The following SUMF1 variants were observed in gnomAD, a reference collection of about 807,000 sequenced individuals.
SUMF1 encodes the protein sulfatase modifying factor 1.
A neutral mutation model predicts 47.6 loss-of-function variants in SUMF1; 48 were observed. The observed-to-expected ratio is 1.01, with a 90% CI of 0.80 to 1.28. The LOEUF (loss-of-function observed/expected upper bound fraction) is 1.28. Ranked by LOEUF, SUMF1 falls within the 50% of genes most tolerant of loss-of-function variation. SUMF1 has a pLI of 0.00. For synonymous variants in SUMF1, 230 were observed against 192.1 expected (o/e 1.20, Z -1.63); for missense variants, 571 against 485.4 (o/e 1.18, Z -1.66).
intron 8 of SUMF1, among the ~76,000 whole-genome samples, chr3:4,109,997 C>T (rs199577605): frequency 4.0e-4 from 61 of 152,198 alleles, no homozygotes; most frequent in Non-Finnish European, 5.9e-4. Context: ...GGAGGAGAGG[C>T]GCTCTGATTT....
intron 8 of SUMF1, among the ~76,000 whole-genome samples, chr3:4,112,005 G>A (rs1693318979): frequency 6.6e-6 from 1 of 152,060 alleles, no homozygotes; most frequent in South Asian, 2.1e-4. Context: ...ATACATAAAT[G>A]ACAGGAAAGG....
At position 4,163,412 on chromosome 3, in the gene SUMF1, G is replaced by A. The variant is rs1481940456; in HGVS notation, c.1015-94667C>T. ...GGAGGGAGGGAGGGAGGGAGGGAGG[G>A]AGGGAGGGAGGGAGGGAGGGAGGAT... On this transcript the variant is annotated intron_variant and NMD_transcript_variant, in intron 8 of 12. Transcript: ENST00000448413. Among the ~76,000 whole-genome samples, 24 of 65,234 alleles carry A rather than the reference G, an allele frequency of 3.7e-4. 2 individuals are homozygous for A. Among genetic ancestry groups the A allele is most frequent in the African/African-American group, 3.6e-4 (7 of 19,514 alleles). The allele number at this position is 65,234 out of a possible 152,430, so 42.8% of individuals were successfully genotyped here.
At chr3:4,349,131 C>A (rs1699434087) in intron 8 of SUMF1, among the ~76,000 whole-genome samples, 1 of 152,012 alleles carries the variant, frequency 6.6e-6, no homozygotes, top group Non-Finnish European at 1.5e-5. Flanking sequence ...CTAGAATTTA[C>A]AAGGAATTTA....
rs1695650703 is a variant in SUMF1, at chr3:4,206,252, G to A, written c.1015-137507C>T. 4.0e-5 allele frequency among the ~76,000 whole-genome samples: 6 copies of A among 151,718 alleles called. No homozygotes were observed. The South Asian group carries it at 8.3e-4, about 21-fold the overall frequency. Reference sequence around the variant, plus strand: ...GGAAGGGTGACACAAACACTCCTTTGGCTGCCCCAGCTGTATCTCACTGAG... The same window carrying A: ...GGAAGGGTGACACAAACACTCCTTTAGCTGCCCCAGCTGTATCTCACTGAG... On this transcript the variant is annotated intron_variant and NMD_transcript_variant, in intron 8 of 12. Coordinates refer to the SUMF1 transcript ENST00000448413.
chr3:4,376,547 C>T (rs1201318170), intron 7 of SUMF1, among the ~76,000 whole-genome samples, 158 bp from the exon 8 acceptor site: 1 of 152,180 alleles, frequency 6.6e-6, no homozygotes, highest in Non-Finnish European at 1.5e-5. Flanking sequence ...TTCGTGGGCT[C>T]TCCCAAATGC....
chr3:4,413,788 G>A (rs1160690048), intron 6 of SUMF1, among the ~76,000 whole-genome samples: 1 of 151,946 alleles, frequency 6.6e-6, no homozygotes, highest in Non-Finnish European at 1.5e-5. Context: ...CACTTTGGGA[G>A]GCTGAGGAAA....
At chr3:4,444,448 T>A (rs929936249) in intron 3 of SUMF1, among the ~76,000 whole-genome samples, 1 of 152,196 alleles carries the variant, frequency 6.6e-6, no homozygotes, top group Non-Finnish European at 1.5e-5. Flanking sequence ...ATAATGGACA[T>A]ATGTTTCAAT....
chr3:4,315,367 A>G (rs1046551460), intron 8 of SUMF1, among the ~76,000 whole-genome samples: 1 of 152,212 alleles, frequency 6.6e-6, no homozygotes, highest in African/African-American at 2.4e-5. Flanking sequence ...ACCCTTTTCT[A>G]TGTCCTTTTG....
intron 8 of SUMF1, among the ~76,000 whole-genome samples, chr3:4,096,545 G>T (rs1692908455): frequency 1.3e-5 from 2 of 152,106 alleles, no homozygotes; most frequent in Admixed American, 6.6e-5. Flanking sequence ...CAGCCATTGT[G>T]CACAGCAGCT....
At chr3:4,227,490 C>T (rs1574997870) in intron 8 of SUMF1, among the ~76,000 whole-genome samples, 1 of 152,124 alleles carries the variant, frequency 6.6e-6, no homozygotes, top group Non-Finnish European at 1.5e-5. Flanking sequence ...AGCCATTCTT[C>T]CCTGTTCCTC....
intron 8 of SUMF1, among the ~76,000 whole-genome samples, chr3:4,352,035 AC>A (rs1036749383): frequency 6.6e-4 from 101 of 152,278 alleles, no homozygotes; most frequent in African/African-American, 2.3e-3. Context: ...CATGTTCTTA[AC>A]CACTAATCCA....
chr3:4,418,076 C>A lies in SUMF1; in HGVS notation c.659G>T (p.Trp220Leu). ...SWNDAVAYCT[W>L]AGKRLPTEAE... ...TTCCGTGGGCAGCCGCTTCCCTGCC[C>A]AAGTGCAGTAGGCAACCGCATCATT... Residue 220 changes from tryptophan (W) to leucine (L), a missense_variant, in exon 5 of 9, where the codon TGG becomes TTG. Trp to Leu is a moderately conservative substitution (Grantham distance 61). Transcript: ENST00000272902. 1 of 1,614,074 alleles carries A rather than the reference C, an allele frequency of 6.2e-7. No homozygotes were observed.
At chr3:4,066,702 G>T (rs1695383571) in intron 9 of SUMF1, among the ~76,000 whole-genome samples, 1 of 152,068 alleles carries the variant, frequency 6.6e-6, no homozygotes, top group African/African-American at 2.4e-5. Flanking sequence ...TTGAGGCTTG[G>T]CTGCCATCTT....
At chr3:4,277,806 A>C (rs1302412416) in intron 8 of SUMF1, among the ~76,000 whole-genome samples, 1 of 152,138 alleles carries the variant, frequency 6.6e-6, no homozygotes, top group Non-Finnish European at 1.5e-5. Flanking sequence ...AGGTCACCAC[A>C]GCCTAGGAAG....
At chr3:4,148,576 G>A (rs377239062) in intron 8 of SUMF1, among the ~76,000 whole-genome samples, 2 of 152,214 alleles carry the variant, frequency 1.3e-5, no homozygotes, top group Non-Finnish European at 2.9e-5. Context: ...TGATGGACAG[G>A]ACAATAAATA....
chr3:4,444,648 G>A lies in SUMF1; in HGVS notation c.519+4618C>T, dbSNP rs559878868. Among the ~76,000 whole-genome samples, 197 of 152,242 alleles carry A rather than the reference G, an allele frequency of 1.3e-3. No homozygotes were observed. The Middle Eastern group carries it at 0.017, about 13-fold the overall frequency. The stretch of plus-strand genomic sequence containing the variant: ...ATTATAGACTAGTCTATCATCCCCT[G>A]TGTCCTTGAAAACCAGTATTCCTGC... On this transcript the variant is annotated intron_variant, in intron 3 of 8. Coordinates refer to ENST00000272902, the MANE Select transcript of SUMF1 (RefSeq NM_182760.4).
intron 8 of SUMF1, 110 bp from the exon 9 acceptor site, chr3:4,362,364 G>T: frequency 2.4e-6 from 2 of 848,254 alleles, no homozygotes; most frequent in Non-Finnish European, 2.0e-6. Context: ...CCACAACCCT[G>T]CCTGTATGGA....
At chr3:4,104,558 G>C (rs1336410321) in intron 8 of SUMF1, among the ~76,000 whole-genome samples, 1 of 152,008 alleles carries the variant, frequency 6.6e-6, no homozygotes, top group Admixed American at 6.5e-5. Context: ...AGGAAGGAGA[G>C]AGAGAGGTCA....
chr3:4,121,429 GT>G (rs1278595479), intron 8 of SUMF1, among the ~76,000 whole-genome samples: 1 of 152,038 alleles, frequency 6.6e-6, no homozygotes, highest in Non-Finnish European at 1.5e-5. Flanking sequence ...TTTGTTTTAT[GT>G]TTTTAGCAAG....
Sources: allele counts gnomAD v4.1 joint callset (sites outside exome capture counted in the v4.1 genomes callset), GRCh38; gene constraint gnomAD v4.1.1; transcripts MANE v1.5; gene names NCBI Gene and HGNC (gene_info 2026-07-23, HGNC 2026-07-21).